Variants in SCAPER observed in about 807,000 individuals in gnomAD.
SCAPER encodes the protein S-phase cyclin A associated protein in the ER.
In SCAPER, 98 loss-of-function variants were observed where a neutral mutation model predicts 182.2. The ratio of observed to expected loss-of-function variants is 0.54; its 90% CI spans 0.46 to 0.64. The LOEUF (loss-of-function observed/expected upper bound fraction) is 0.64. Among genes scored for constraint, SCAPER ranks in the 30% least tolerant of loss-of-function variants. SCAPER has a pLI of 0.00. For missense variants in SCAPER, 1,432 were observed against 1,690.0 expected (o/e 0.85, Z 2.68); for synonymous variants, 605 against 564.6 (o/e 1.07, Z -1.01).
chr15:76,623,606 G>C (rs1187060549), intron 21 of SCAPER, among the ~76,000 whole-genome samples: 2 of 152,048 alleles, frequency 1.3e-5, no homozygotes, highest in Non-Finnish European at 2.9e-5. Flanking sequence ...TTGGTCTTAC[G>C]TGTCTGCTTT....
At chr15:76,644,623 CAT>C (rs1052004049) in intron 21 of SCAPER, among the ~76,000 whole-genome samples, 5 of 151,914 alleles carry the variant, frequency 3.3e-5, no homozygotes, top group African/African-American at 1.2e-4. Context: ...CTGCTTTACA[CAT>C]GTTATCAAAG....
chr15:76,441,227 C>A, intron 25 of SCAPER, among the ~76,000 whole-genome samples: 1 of 151,952 alleles, frequency 6.6e-6, no homozygotes, highest in Non-Finnish European at 1.5e-5. Context: ...AGCCTATTCT[C>A]CTTCTTTTTA....
In SCAPER at chr15:76,753,788, T is replaced by C. The variant is rs368116270; in HGVS notation, c.1866+20A>G. Reference sequence around the variant, plus strand: ...AGTACTTGGGTAATTAAGTCAACATTTAAAGCTCTTATGATATACCTTAGC... The same window carrying C: ...AGTACTTGGGTAATTAAGTCAACATCTAAAGCTCTTATGATATACCTTAGC... On this transcript the variant is annotated intron_variant, in intron 15 of 31. Coordinates refer to ENST00000563290, the MANE Select transcript of SCAPER (RefSeq NM_020843.4). 5.1e-5 allele frequency: 82 copies of C among 1,600,318 alleles called. No individual in the cohort carries two copies. In the African/African-American group the frequency reaches 8.5e-4, roughly 17 times the overall value.
At position 76,595,915 on chromosome 15, in the gene SCAPER, G is replaced by A. The variant is rs1477330395; in HGVS notation, c.2712-21631C>T. Among the ~76,000 whole-genome samples the A allele has an allele frequency of 1.7e-5, 2 of 121,168 alleles. 1 individual carries two copies. Among genetic ancestry groups the A allele is most frequent in the Non-Finnish European group, 4.0e-5 (2 of 49,964 alleles). The allele number at this position is 121,168 out of a possible 152,430, so 79.5% of individuals were successfully genotyped here. On this transcript the variant is annotated intron_variant, in intron 22 of 31. Coordinates refer to ENST00000563290, the MANE Select transcript of SCAPER (RefSeq NM_020843.4). Reference sequence around the variant, plus strand: ...CACAATTAGAAGAACTGAGAAGCAAGAGCAAACAAATTCAAAAGCTAGCAG... The same window carrying A: ...CACAATTAGAAGAACTGAGAAGCAAAAGCAAACAAATTCAAAAGCTAGCAG...
At chr15:76,882,925 A>G (rs1024350426) in intron 2 of SCAPER, among the ~76,000 whole-genome samples, 3 of 152,112 alleles carry the variant, frequency 2.0e-5, no homozygotes, top group Non-Finnish European at 2.9e-5. Flanking sequence ...AGGCCTCCCA[A>G]AGTGCTGGGA....
At chr15:76,722,096 G>A (rs949475562) in intron 17 of SCAPER, among the ~76,000 whole-genome samples, 2 of 152,118 alleles carry the variant, frequency 1.3e-5, no homozygotes, top group East Asian at 1.9e-4. Flanking sequence ...TTTGAGATTT[G>A]TCCCATCAAT....
intron 30 of SCAPER, among the ~76,000 whole-genome samples, chr15:76,353,105 G>A (rs763990672): frequency 1.3e-5 from 2 of 151,982 alleles, no homozygotes; most frequent in Non-Finnish European, 2.9e-5. Flanking sequence ...CCAGCCAGCT[G>A]GGTACTATCA....
At chr15:76,562,038 C>G (rs2046672881) in intron 23 of SCAPER, among the ~76,000 whole-genome samples, 1 of 149,556 alleles carries the variant, frequency 6.7e-6, no homozygotes, top group African/African-American at 2.5e-5. Context: ...CCCCCAGATA[C>G]TCTGGAGGCT....
At chr15:76,352,399 C>A (rs773499864) in intron 30 of SCAPER, among the ~76,000 whole-genome samples, 2 of 151,852 alleles carry the variant, frequency 1.3e-5, no homozygotes, top group Non-Finnish European at 2.9e-5. Context: ...CTTACACACT[C>A]AAAAATTACC....
intron 21 of SCAPER, among the ~76,000 whole-genome samples, chr15:76,646,710 T>C (rs1442451969): frequency 2.0e-5 from 3 of 152,200 alleles, no homozygotes; most frequent in African/African-American, 4.8e-5. Flanking sequence ...AATCTGCCTA[T>C]CAAAACTTTC....
chr15:76,421,933 G>T (rs914955927), intron 26 of SCAPER, among the ~76,000 whole-genome samples: 1 of 152,192 alleles, frequency 6.6e-6, no homozygotes, highest in African/African-American at 2.4e-5. Context: ...GATAGTTGTA[G>T]ATGTGTGTTA....
In SCAPER at chr15:76,870,999, G is replaced by T. The variant is rs8031944; in HGVS notation, c.7-8466C>A. 4.4e-3 allele frequency among the ~76,000 whole-genome samples: 667 copies of T among 152,088 alleles called. 7 individuals carry two copies. The highest frequency in any genetic ancestry group is 0.015 in the African/African-American group (635 of 41,496). ...GTTACAAGTAACCTCAAATTAATAAGAATAAAACTGACAAGTGACATTCTA... is the reference window on the plus strand; with the variant it reads ...GTTACAAGTAACCTCAAATTAATAATAATAAAACTGACAAGTGACATTCTA... On this transcript the variant is annotated intron_variant, in intron 2 of 31. Coordinates refer to ENST00000563290, the MANE Select transcript of SCAPER (RefSeq NM_020843.4).
chr15:76,904,149 A>C (rs951894227), intron 1 of SCAPER, among the ~76,000 whole-genome samples: 1 of 152,044 alleles, frequency 6.6e-6, no homozygotes, highest in Non-Finnish European at 1.5e-5. Flanking sequence ...TATAGGCCAG[A>C]GTGGGACAGT....
intron 1 of SCAPER, among the ~76,000 whole-genome samples, chr15:76,900,209 C>T (rs981415001): frequency 6.6e-6 from 1 of 151,846 alleles, no homozygotes; most frequent in Non-Finnish European, 1.5e-5. Flanking sequence ...GGCCGAAGGC[C>T]GCAGGGACCT....
Position 76,825,905 on chromosome 15 carries a change from C to A in SCAPER, c.393+15829G>T, listed in dbSNP as rs897759393. ...GACTATAGACGCACACCACCACGCCCAGCTAATTTTTGTATTTTTAGTAGA... is the reference window on the plus strand; with the variant it reads ...GACTATAGACGCACACCACCACGCCAAGCTAATTTTTGTATTTTTAGTAGA... On this transcript the variant is annotated intron_variant, in intron 5 of 31. Coordinates refer to ENST00000563290, the MANE Select transcript of SCAPER (RefSeq NM_020843.4). 2.0e-4 allele frequency among the ~76,000 whole-genome samples: 30 copies of A among 152,102 alleles called. 1 individual carries two copies. The highest frequency in any genetic ancestry group is 6.3e-4 in the African/African-American group (26 of 41,414).
At chr15:76,676,465 C>T (rs975003445) in intron 20 of SCAPER, among the ~76,000 whole-genome samples, 5 of 151,972 alleles carry the variant, frequency 3.3e-5, no homozygotes, top group Non-Finnish European at 7.4e-5. Flanking sequence ...AGTCTTATAC[C>T]CCAGTCTACC....
chr15:76,702,858 T>C lies in SCAPER; in HGVS notation c.2392A>G (p.Asn798Asp). Residue 798 changes from asparagine (N) to aspartate (D), a missense_variant, in exon 19 of 32, where the codon AAT (asparagine) becomes GAT (aspartate). Around this residue, in one of 5 missense-constraint regions of SCAPER, gnomAD observed 718 missense variants for 799.7 expected, o/e 0.90. Coordinates refer to ENST00000563290, the MANE Select transcript of SCAPER (RefSeq NM_020843.4). ...TTGATATAACAACCTACCAGGACAT[T>C]GCAGAGAGAACACTGCTTCTTTCTT... ...YERKKQCSLC[N>D]VLISSEVYLF... is the part of the protein sequence containing the mutation. 4 of 1,603,602 alleles carry C rather than the reference T, an allele frequency of 2.5e-6. No individual in the cohort carries two copies. In the East Asian group the frequency reaches 6.7e-5, roughly 27 times the overall value.
chr15:76,510,426 T>C (rs1019823844), intron 23 of SCAPER, among the ~76,000 whole-genome samples: 3 of 151,956 alleles, frequency 2.0e-5, no homozygotes, highest in Non-Finnish European at 4.4e-5. Flanking sequence ...CATCAAAACA[T>C]AGGCTGAGGA....
At chr15:76,641,759 A>G (rs932643935) in intron 21 of SCAPER, among the ~76,000 whole-genome samples, 1 of 152,208 alleles carries the variant, frequency 6.6e-6, no homozygotes, top group Non-Finnish European at 1.5e-5. Context: ...TGGTAACACC[A>G]TATGGAATAA....
Sources: gnomAD v4.1 joint callset for allele counts (sites outside exome capture counted in the v4.1 genomes callset) on GRCh38, gnomAD v4.1.1 for gene constraint, gnomAD v4.1.1 regional missense constraint, MANE v1.5 for transcripts, NCBI Gene and HGNC (gene_info 2026-07-23, HGNC 2026-07-21) for gene names.